The following LRRC7 variants were observed in gnomAD, a reference collection of about 807,000 sequenced individuals.
LRRC7 encodes leucine rich repeat containing 7, also known as leucine-rich repeat-containing protein 7.
LRRC7 carries 23 observed loss-of-function variants against 175.7 expected under a neutral mutation model. The ratio of observed to expected loss-of-function variants is 0.13; its 90% CI spans 0.09 to 0.19. The LOEUF is 0.19. LRRC7 is among the 10% of genes least tolerant of loss of function. The pLI is 1.00. For synonymous variants in LRRC7, 685 were observed against 680.9 expected (o/e 1.01, Z -0.09); for missense variants, 1,354 against 1,904.7 (o/e 0.71, Z 5.38).
chr1:69,878,287 A>AAC (rs998217214), intron 7 of LRRC7, among the ~76,000 whole-genome samples: 3 of 151,252 alleles, frequency 2.0e-5, no homozygotes, highest in Admixed American at 1.3e-4. Context: ...AAAAAAAAAA[A>AAC]AAAACAAGAA....
intron 2 of LRRC7, among the ~76,000 whole-genome samples, chr1:69,681,953 G>A (rs747637538): frequency 4.6e-4 from 70 of 152,228 alleles, no homozygotes; most frequent in South Asian, 8.3e-4. Flanking sequence ...TGAAGGTCAG[G>A]AGTCCAGAGT....
chr1:70,110,935 A>G (rs951228461), intron 26 of LRRC7, among the ~76,000 whole-genome samples: 2 of 152,194 alleles, frequency 1.3e-5, no homozygotes, highest in African/African-American at 4.8e-5. Context: ...GCTGGGAAAA[A>G]ATGGGTTAAT....
chr1:69,610,229 A>T (rs1375808332), intron 1 of LRRC7, among the ~76,000 whole-genome samples: 3 of 151,960 alleles, frequency 2.0e-5, no homozygotes, highest in Non-Finnish European at 4.4e-5. Flanking sequence ...CTAATCCTTC[A>T]CTGTAGTGTT....
chr1:70,069,743 C>T (rs1482032931), intron 23 of LRRC7, among the ~76,000 whole-genome samples: 1 of 152,074 alleles, frequency 6.6e-6, no homozygotes, highest in East Asian at 1.9e-4. Context: ...ATTATTAGAA[C>T]TTTTGTATAG....
chr1:70,119,135 GA>G (rs541417385), intron 26 of LRRC7, among the ~76,000 whole-genome samples: 3 of 147,802 alleles, frequency 2.0e-5, no homozygotes, highest in South Asian at 2.1e-4. Flanking sequence ...GAATTTACCT[GA>G]AAAAAAAACA....
In LRRC7 at chr1:70,133,965, G is replaced by C. The variant is rs960875615; in HGVS notation, c.*12078G>C. Reference sequence around the variant, plus strand: ...CTTAAACATCAGGAACTGTGGTTAAGTTTGCCTAGCCTTCTTTATGTAATT... The same window carrying C: ...CTTAAACATCAGGAACTGTGGTTAACTTTGCCTAGCCTTCTTTATGTAATT... On this transcript the variant is annotated 3_prime_UTR_variant, in exon 27 of 27. Transcript: ENST00000651989. Among the ~76,000 whole-genome samples the C allele has an allele frequency of 3.9e-5, 6 of 152,172 alleles. No homozygotes were observed. Among genetic ancestry groups the C allele is most frequent in the African/African-American group, 1.4e-4 (6 of 41,436 alleles).
At chr1:69,756,199 T>C (rs570951813) in intron 2 of LRRC7, among the ~76,000 whole-genome samples, 1 of 152,010 alleles carries the variant, frequency 6.6e-6, no homozygotes, top group African/African-American at 2.4e-5. Flanking sequence ...GGAGATAAAG[T>C]TGTGAAAATC....
intron 1 of LRRC7, among the ~76,000 whole-genome samples, chr1:69,611,687 G>A (rs1383687228): frequency 2.6e-5 from 4 of 151,934 alleles, no homozygotes; most frequent in African/African-American, 7.2e-5. Flanking sequence ...AAGGCACATG[G>A]AACCCTTTTT....
intron 21 of LRRC7, among the ~76,000 whole-genome samples, chr1:70,040,070 G>A (rs1303762052): frequency 6.6e-6 from 1 of 152,200 alleles, no homozygotes; most frequent in Non-Finnish European, 1.5e-5. Flanking sequence ...AGGGGATGGT[G>A]CTTCAAATGC....
intron 2 of LRRC7, among the ~76,000 whole-genome samples, chr1:69,718,144 G>GAAAGAAAGAAAGAAAGAAAGAAAGAAAGA (rs1557643480): frequency 3.1e-5 from 3 of 96,436 alleles, no homozygotes; most frequent in Admixed American, 2.9e-4. Context: ...GAAAGAGAGA[G>GAAAGAAAGAAAGAAAGAAAGAAAGAAAGA]AAAGAAAGAA....
intron 7 of LRRC7, among the ~76,000 whole-genome samples, chr1:69,904,739 CAG>C (rs1465111972): frequency 6.6e-6 from 1 of 151,964 alleles, no homozygotes; most frequent in Non-Finnish European, 1.5e-5. Context: ...TTGCATGTCA[CAG>C]GGGTTTGATG....
At chr1:69,622,216 T>TA (rs1650726803) in intron 1 of LRRC7, among the ~76,000 whole-genome samples, 3 of 152,336 alleles carry the variant, frequency 2.0e-5, no homozygotes, top group Admixed American at 2.0e-4. Flanking sequence ...TTCTGAATTT[T>TA]AACATCGTAA....
At chr1:69,997,869 G>A (rs553061015) in intron 11 of LRRC7, among the ~76,000 whole-genome samples, 1 of 152,108 alleles carries the variant, frequency 6.6e-6, no homozygotes, top group African/African-American at 2.4e-5. Flanking sequence ...TCTCTTTTGT[G>A]GTTGTATCTC....
intron 3 of LRRC7, 25 bp downstream of exon 3, chr1:69,760,418 A>G: frequency 6.4e-7 from 1 of 1,567,020 alleles, no homozygotes; most frequent in South Asian, 1.1e-5. Flanking sequence ...CCTAAAATAT[A>G]CAATGTAAAT....
chr1:69,925,962 A>G (rs563933301), intron 7 of LRRC7, among the ~76,000 whole-genome samples: 24 of 150,330 alleles, frequency 1.6e-4, no homozygotes, highest in Admixed American at 1.3e-3. Context: ...CCCTCTACAC[A>G]CTGCTTTGAA....
At position 69,586,423 on chromosome 1, in the gene LRRC7, C is replaced by G. The variant is rs572024819; in HGVS notation, c.2+17782C>G. On this transcript the variant is annotated intron_variant, in intron 1 of 26. Coordinates refer to ENST00000651989, the MANE Select transcript of LRRC7 (RefSeq NM_001370785.2). ...AGATGACTTTATTGATGGTACATGG[C>G]AAAATGGGGCTCCCTAAGCCTCTTC... Among the ~76,000 whole-genome samples the G allele has an allele frequency of 3.3e-5, 5 of 152,116 alleles. No individual in the cohort carries two copies. The South Asian group carries it at 1.0e-3, about 32-fold the overall frequency.
intron 1 of LRRC7, among the ~76,000 whole-genome samples, chr1:69,591,672 TC>T (rs1646641058): frequency 6.6e-6 from 1 of 152,072 alleles, no homozygotes; most frequent in African/African-American, 2.4e-5. Flanking sequence ...ATCTGGAAAT[TC>T]ACCAGAAATC....
At chr1:69,679,972 T>C (rs1325750320) in intron 2 of LRRC7, among the ~76,000 whole-genome samples, 3 of 152,132 alleles carry the variant, frequency 2.0e-5, no homozygotes, top group African/African-American at 7.2e-5. Flanking sequence ...CAACTGATTT[T>C]GCACTACAAA....
chr1:69,730,176 G>A (rs1318865940), intron 2 of LRRC7, among the ~76,000 whole-genome samples: 2 of 152,204 alleles, frequency 1.3e-5, no homozygotes, highest in Admixed American at 1.3e-4. Flanking sequence ...GGCCTGTGAT[G>A]AGAGGGGCTG....
Sources: allele counts gnomAD v4.1 joint callset (sites outside exome capture counted in the v4.1 genomes callset), GRCh38; gene constraint gnomAD v4.1.1; transcripts MANE v1.5; gene names NCBI Gene and HGNC (gene_info 2026-07-23, HGNC 2026-07-21).